BRI3: variants seen among roughly 807,000 people sequenced by gnomAD.
BRI3 encodes membrane protein BRI3.
In BRI3, 6 loss-of-function variants were observed where a neutral mutation model predicts 12.8. The ratio of observed to expected loss-of-function variants is 0.47; its 90% CI spans 0.26 to 0.93. BRI3 has a LOEUF of 0.93. Ranked by LOEUF, BRI3 falls within the 40% of genes least tolerant of loss-of-function variation. The pLI is 0.15. For synonymous variants in BRI3, 91 were observed against 76.1 expected (o/e 1.20, Z -1.02); for missense variants, 134 against 171.1 (o/e 0.78, Z 1.21).
downstream of BRI3, among the ~76,000 whole-genome samples, chr7:98,315,096 G>A (rs375694155): frequency 1.3e-5 from 2 of 152,182 alleles, no homozygotes; most frequent in East Asian, 3.8e-4. Context: ...TGTGGAAGGT[G>A]AGTGGCGTGC....
chr7:98,295,410 G>A (rs913281277), downstream of BRI3, among the ~76,000 whole-genome samples: 20 of 152,210 alleles, frequency 1.3e-4, no homozygotes, highest in Non-Finnish European at 1.9e-4. Context: ...TTAAATGGCC[G>A]CAAAAGTGAC....
At chr7:98,302,316 A>G (rs919739430), upstream of BRI3, among the ~76,000 whole-genome samples, 2 of 152,214 alleles carry the variant, frequency 1.3e-5, no homozygotes, top group Non-Finnish European at 2.9e-5. Context: ...GGGTTGGCCA[A>G]AGTGTCAGTG....
At chr7:98,293,664 A>G, downstream of BRI3, 2 of 1,480,180 alleles carry the variant, frequency 1.4e-6, no homozygotes, top group Non-Finnish European at 1.9e-6. Flanking sequence ...TAACAGTGCT[A>G]ATAACCCGTT....
At chr7:98,319,075 G>A in the BRI3 span, among the ~76,000 whole-genome samples, 6 of 152,122 alleles carry the variant, frequency 3.9e-5, no homozygotes, top group East Asian at 3.9e-4. Context: ...GCCTCCTGCC[G>A]GGAGGGTGCA....
intron 2 of BRI3, among the ~76,000 whole-genome samples, chr7:98,284,051 G>A (rs1409233069): frequency 6.6e-6 from 1 of 152,236 alleles, no homozygotes; most frequent in Non-Finnish European, 1.5e-5. Context: ...AACCTGGAGC[G>A]GGGTCAGACT....
downstream of BRI3, chr7:98,293,276 CAG>C: frequency 2.4e-6 from 1 of 409,488 alleles, no homozygotes; most frequent in Non-Finnish European, 4.4e-6. Context: ...GTTTCTTGAA[CAG>C]AATAGGAAGA....
the BRI3 span, among the ~76,000 whole-genome samples, chr7:98,318,293 A>G: frequency 6.6e-6 from 1 of 152,120 alleles, no homozygotes; most frequent in Admixed American, 6.5e-5. Flanking sequence ...TTCTTCTGCC[A>G]CCCAAAGTCT....
intron 2 of BRI3, among the ~76,000 whole-genome samples, chr7:98,283,186 A>C (rs539304687): frequency 6.6e-6 from 1 of 152,004 alleles, no homozygotes; most frequent in African/African-American, 2.4e-5. Context: ...TTGCTTAGAA[A>C]GTAGGGGCAG....
At chr7:98,289,763 C>T (rs1305460177) in intron 2 of BRI3, among the ~76,000 whole-genome samples, 1 of 152,224 alleles carries the variant, frequency 6.6e-6, no homozygotes, top group Non-Finnish European at 1.5e-5. Flanking sequence ...TTAATTTCAG[C>T]TGTGTCCAGA....
chr7:98,282,016 G>GTGGGGCCCGCCCGGGGGTCCAGGA, intron 1 of BRI3, 79 bp downstream of exon 1: 1 of 1,307,116 alleles, frequency 7.7e-7, no homozygotes, highest in Non-Finnish European at 9.7e-7. Flanking sequence ...CCGGAGGCGG[G>GTGGGGCCCGCCCGGGGGTCCAGGA]TGGGGCCCGC....
chr7:98,302,873 C>A (rs1800486030), upstream of BRI3, among the ~76,000 whole-genome samples: 1 of 152,190 alleles, frequency 6.6e-6, no homozygotes, highest in African/African-American at 2.4e-5. Context: ...CAGCCTCGAA[C>A]TTCTGGGTTC....
At chr7:98,315,622 A>ATAAT in the BRI3 span, 254 of 1,072,846 alleles carry the variant, frequency 2.4e-4, 1 homozygote, top group Middle Eastern at 3.2e-4. Flanking sequence ...ACTAAAAAAA[A>ATAAT]AAAAATAATA....
At chr7:98,293,928 C>T, downstream of BRI3, 1 of 932,614 alleles carries the variant, frequency 1.1e-6, no homozygotes, top group Non-Finnish European at 1.7e-6. Flanking sequence ...GTAAAGCGAG[C>T]AGGGGGCTGC....
In BRI3 at chr7:98,282,811, T is replaced by C. The variant is rs540279361; in HGVS notation, c.245+358T>C. The C allele has an allele frequency of 1.4e-4, 31 of 226,610 alleles. No individual in the cohort carries two copies. In the East Asian group the frequency reaches 3.7e-3, roughly 27 times the overall value. The allele number at this position is 226,610 out of a possible 1,614,324, so 14.0% of individuals were successfully genotyped here. A position where few individuals can be genotyped will look rare whatever the true frequency, so the allele number is the denominator to read the frequency against. The stretch of plus-strand genomic sequence containing the variant: ...TCAGGTGTCTGCTTTTTCCTTCACT[T>C]TCCGCAAGTTTACTCTGCAGTTGAT... On this transcript the variant is annotated intron_variant, in intron 2 of 2. Coordinates refer to ENST00000297290, the MANE Select transcript of BRI3 (RefSeq NM_015379.5).
chr7:98,313,982 C>CTTTTTTTTTT (rs35599338), downstream of BRI3, among the ~76,000 whole-genome samples: 1 of 100,940 alleles, frequency 9.9e-6, no homozygotes, highest in African/African-American at 3.7e-5. Context: ...CTTTTTCTTC[C>CTTTTTTTTTT]TTTTTTTTTT....
rs1216927950 is a variant in BRI3, at chr7:98,291,196, G to A, written c.331G>A (p.Ala111Thr). ...LFPFGFICCF[A>T]LRKRRCPNCG... ...CCCCTTTGGGTTCATTTGCTGTTTTGCCTTGAGGAAGCGACGATGCCCCAA... is the reference window on the plus strand; with the variant it reads ...CCCCTTTGGGTTCATTTGCTGTTTTACCTTGAGGAAGCGACGATGCCCCAA... The change falls in exon 3 of 3, where the codon GCC becomes ACC. Residue 111 changes from alanine (A) to threonine (T), a missense_variant. Physicochemically the swap from Ala to Thr is moderately conservative, Grantham distance 58 (BLOSUM62 0). Coordinates refer to ENST00000297290, the MANE Select transcript of BRI3 (RefSeq NM_015379.5). 1.2e-6 allele frequency: 2 copies of A among 1,614,040 alleles called. No homozygotes were observed. The highest frequency in any genetic ancestry group is 1.7e-6 in the Non-Finnish European group (2 of 1,180,054).
At chr7:98,313,037 CCT>C (rs1800928675), downstream of BRI3, among the ~76,000 whole-genome samples, 1 of 152,214 alleles carries the variant, frequency 6.6e-6, no homozygotes, top group Admixed American at 6.5e-5. Flanking sequence ...TTTTACTCAG[CCT>C]CTGAGTTTAT....
At chr7:98,321,982 G>A in the BRI3 span, among the ~76,000 whole-genome samples, 1 of 152,156 alleles carries the variant, frequency 6.6e-6, no homozygotes, top group Non-Finnish European at 1.5e-5. Context: ...TGTAATCCCA[G>A]CTACTTGGGA....
downstream of BRI3, among the ~76,000 whole-genome samples, chr7:98,297,109 GTGGT>G (rs1015002244): frequency 5.3e-5 from 8 of 152,238 alleles, no homozygotes; most frequent in Non-Finnish European, 7.3e-5. Flanking sequence ...CACTACGAGA[GTGGT>G]TGGGCTGCAA....
Sources: allele counts gnomAD v4.1 joint callset (sites outside exome capture counted in the v4.1 genomes callset), GRCh38; gene constraint gnomAD v4.1.1; transcripts MANE v1.5; gene names NCBI Gene and HGNC (gene_info 2026-07-23, HGNC 2026-07-21).